ADGRV1: variants seen among roughly 807,000 people sequenced by gnomAD.
ADGRV1 encodes adhesion G protein-coupled receptor V1.
ADGRV1 carries 359 observed loss-of-function variants against 596.2 expected under a neutral mutation model. That is an observed-to-expected ratio of 0.60 (90% CI 0.55 to 0.66). The LOEUF (loss-of-function observed/expected upper bound fraction) is 0.66, where lower values mean the gene tolerates loss of function less well. Among genes scored for constraint, ADGRV1 ranks in the 30% least tolerant of loss-of-function variants. The pLI, the probability that ADGRV1 is intolerant of heterozygous loss-of-function variation, is 0.00. For missense variants in ADGRV1, 7,274 were observed against 7,575.6 expected (o/e 0.96, Z 1.48); for synonymous variants, 2,681 against 2,679.2 (o/e 1.00, Z -0.02).
chr5:91,105,200 A>G (rs1309326308), intron 87 of ADGRV1, among the ~76,000 whole-genome samples: 2 of 152,112 alleles, frequency 1.3e-5, no homozygotes, highest in Non-Finnish European at 2.9e-5. Context: ...ATAGTATTCC[A>G]TTGTGTGAAT....
chr5:90,835,787 A>G (rs1053859105), intron 77 of ADGRV1, among the ~76,000 whole-genome samples: 1 of 152,200 alleles, frequency 6.6e-6, no homozygotes. Context: ...GAGGAAATTA[A>G]GATATTCCCA....
intron 37 of ADGRV1, among the ~76,000 whole-genome samples, chr5:90,705,822 T>G (rs1308747835): frequency 6.6e-6 from 1 of 151,938 alleles, no homozygotes; most frequent in Non-Finnish European, 1.5e-5. Context: ...TTAGGCTGTC[T>G]GTGGGTCTAC....
chr5:90,723,592 T>C (rs990045885), intron 45 of ADGRV1, among the ~76,000 whole-genome samples: 4 of 152,228 alleles, frequency 2.6e-5, no homozygotes, highest in Admixed American at 1.3e-4. Context: ...TCAGGACCAT[T>C]TGGGACTCTA....
chr5:90,834,577 A>T (rs564377837), intron 77 of ADGRV1, among the ~76,000 whole-genome samples: 1 of 149,906 alleles, frequency 6.7e-6, no homozygotes, highest in Non-Finnish European at 1.5e-5. Flanking sequence ...TTTTTTTTTT[A>T]AATCCTTAAC....
intron 49 of ADGRV1, 28 bp downstream of exon 49, chr5:90,728,961 T>C: frequency 6.9e-7 from 1 of 1,447,258 alleles, no homozygotes; most frequent in Non-Finnish European, 9.4e-7. Context: ...TTGTAGTGTA[T>C]ATATAATTAT....
rs565491350 is a variant in ADGRV1, at chr5:90,655,425, A to G, written c.4378+1473A>G. 5.9e-5 allele frequency: 9 copies of G among 152,278 alleles called. No homozygotes were observed. The East Asian group carries it at 1.3e-3, about 23-fold the overall frequency. The allele number at this position is 152,278 out of a possible 1,614,324, so 9.4% of individuals were successfully genotyped here. On this transcript the variant is annotated intron_variant, in intron 20 of 89. Coordinates refer to ENST00000405460, the MANE Select transcript of ADGRV1 (RefSeq NM_032119.4). ...ATCTTATGTAACTGTAACACAATTTATTTATTAGTGCTACTTTCAATTTCT... is the reference window on the plus strand; with the variant it reads ...ATCTTATGTAACTGTAACACAATTTGTTTATTAGTGCTACTTTCAATTTCT...
At chr5:90,966,377 T>A (rs12173258) in intron 84 of ADGRV1, among the ~76,000 whole-genome samples, 64,695 of 151,196 alleles carry the variant, frequency 0.43, 14,447 homozygotes, top group African/African-American at 0.56. Flanking sequence ...CTAAAAATAT[T>A]AAAAATTAGC....
rs200972948 is a variant in ADGRV1 at position 90,860,722 on chromosome 5, TAA to T, written c.17756-3024_17756-3023del. ...CAATCTAATACATTAGGTGGTATAA[TAA>T]AAAAAAAAAAGCCTAAGCTAAAAAG... On this transcript the variant is annotated intron_variant, in intron 82 of 89. Transcript: ENST00000405460. Among the ~76,000 whole-genome samples the T allele has an allele frequency of 0.019, 2,563 of 135,238 alleles. 120 individuals carry two copies. The East Asian group carries it at 0.2, about 10-fold the overall frequency. The allele number at this position is 135,238 out of a possible 152,430, so 88.7% of individuals were successfully genotyped here.
chr5:90,601,230 T>G (rs6889020), intron 1 of ADGRV1, among the ~76,000 whole-genome samples: 6,186 of 150,772 alleles, frequency 0.041, 365 homozygotes, highest in African/African-American at 0.13. Context: ...AGAGTGAAAC[T>G]CCATCTCAAA....
Position 90,653,617 on chromosome 5 carries a change from G to C in ADGRV1, c.4043G>C (p.Arg1348Thr), listed in dbSNP as rs1195395299. Residue 1348 changes from arginine to threonine, a missense_variant, in exon 20 of 90, where the codon AGG becomes ACG. Transcript: ENST00000405460. ...GTVNPKYHPS[R>T]NNTIANFTFS... The stretch of plus-strand genomic sequence containing the variant: ...GTTAATCCAAAATACCATCCCTCCA[G>C]GAATAATACAATTGCCAACTTTACA... 1 of 1,613,618 alleles carries C rather than the reference G, an allele frequency of 6.2e-7. No individual in the cohort carries two copies. Among genetic ancestry groups the C allele is most frequent in the Non-Finnish European group, 8.5e-7 (1 of 1,179,754 alleles).
Position 90,791,032 on chromosome 5 carries a change from G to C in ADGRV1, c.14203G>C (p.Val4735Leu). Residue 4735 changes from valine (V) to leucine (L), a missense_variant, in exon 70 of 90, where the codon GTT becomes CTT. Transcript: ENST00000405460. The stretch of plus-strand genomic sequence containing the variant: ...AGAGGAAGATTATGTGATCCAGCTT[G>C]TTTCTGTAGAGGGAGGAGCCGAACT... The part of the protein sequence containing the change: ...EIEEDYVIQL[V>L]SVEGGAELDL... The C allele has an allele frequency of 6.2e-7, 1 of 1,613,884 alleles. No individual in the cohort carries two copies. The highest frequency in any genetic ancestry group is 8.5e-7 in the Non-Finnish European group (1 of 1,179,852).
At chr5:91,100,975 GA>G (rs1791328172) in intron 86 of ADGRV1, among the ~76,000 whole-genome samples, 1 of 151,986 alleles carries the variant, frequency 6.6e-6, no homozygotes, top group South Asian at 2.1e-4. Flanking sequence ...ACCCATTTGG[GA>G]TTAAGAATCT....
At chr5:90,669,667 C>A (rs1733276828) in intron 21 of ADGRV1, among the ~76,000 whole-genome samples, 1 of 152,086 alleles carries the variant, frequency 6.6e-6, no homozygotes, top group Admixed American at 6.5e-5. Context: ...AAAATTATAA[C>A]ACTAGATGTG....
Position 90,753,345 on chromosome 5 carries a change from A to AT in ADGRV1, c.11122-220dup, listed in dbSNP as rs60457631. Among the ~76,000 whole-genome samples the AT allele has an allele frequency of 0.28, 42,983 of 150,992 alleles. 7,500 individuals carry two copies. Among genetic ancestry groups the AT allele is most frequent in the East Asian group, 0.48 (2,439 of 5,118 alleles). On this transcript the variant is annotated intron_variant, in intron 53 of 89. Coordinates refer to ENST00000405460, the MANE Select transcript of ADGRV1 (RefSeq NM_032119.4). Reference sequence around the variant, plus strand: ...CTCCAGTATTTGACAATTTGGCTGCATTTTTTTTTATTAGCTTAAAGTTTA... The same window carrying AT: ...CTCCAGTATTTGACAATTTGGCTGCATTTTTTTTTTATTAGCTTAAAGTTTA...
chr5:90,642,774 A>G lies in ADGRV1; in HGVS notation c.2367+12A>G. On this transcript the variant is annotated intron_variant, in intron 12 of 89. Coordinates refer to ENST00000405460, the MANE Select transcript of ADGRV1 (RefSeq NM_032119.4). ...CCTATGTTATAAAAGTAAGTACGAA[A>G]AAAACTTCCATTTATTCTGTGCTCA... 2 of 1,608,502 alleles carry G rather than the reference A, an allele frequency of 1.2e-6. No homozygotes were observed. Among genetic ancestry groups the G allele is most frequent in the South Asian group, 1.1e-5 (1 of 89,808 alleles).
intron 83 of ADGRV1, among the ~76,000 whole-genome samples, chr5:90,941,879 A>G (rs1365118762): frequency 6.6e-6 from 1 of 152,380 alleles, no homozygotes; most frequent in South Asian, 2.1e-4. Context: ...AATTGTAGTC[A>G]TGAAAAACCT....
At position 90,604,179 on chromosome 5, in the gene ADGRV1, A is replaced by G. The variant is rs938173616; in HGVS notation, c.23-10656A>G. ...TCCATTTTTTTAAAATGTGAAATCT[A>G]CAAATTTTAAATCTTGGCAAAAATG... On this transcript the variant is annotated intron_variant, in intron 1 of 89. Transcript: ENST00000405460. Among the ~76,000 whole-genome samples, 41 of 152,036 alleles carry G rather than the reference A, an allele frequency of 2.7e-4. 2 individuals are homozygous for G. Among genetic ancestry groups the G allele is most frequent in the Non-Finnish European group, 1.5e-5 (1 of 68,014 alleles).
rs368113619 is a variant in ADGRV1, at chr5:90,927,970, C to T, written c.17857-37445C>T. Among the ~76,000 whole-genome samples the T allele has an allele frequency of 7.2e-5, 11 of 152,262 alleles. No homozygotes were observed. The East Asian group carries it at 1.2e-3, about 16-fold the overall frequency. ...TGTTGAATATTGGCCCCCACTCTCT[C>T]CTGGCTTGTAGGGTTTCTGCCAGGA... On this transcript the variant is annotated intron_variant, in intron 83 of 89. Coordinates refer to ENST00000405460, the MANE Select transcript of ADGRV1 (RefSeq NM_032119.4).
chr5:90,968,530 G>A (rs1282444728), intron 84 of ADGRV1, among the ~76,000 whole-genome samples: 3 of 152,200 alleles, frequency 2.0e-5, no homozygotes, highest in African/African-American at 7.2e-5. Flanking sequence ...TACCAGTGAA[G>A]TTTAATGTAT....
Sources: gnomAD v4.1 joint callset for allele counts (sites outside exome capture counted in the v4.1 genomes callset) on GRCh38, gnomAD v4.1.1 for gene constraint, MANE v1.5 for transcripts, NCBI Gene and HGNC (gene_info 2026-07-23, HGNC 2026-07-21) for gene names.